Variants in RAB3GAP1 observed in about 807,000 individuals in gnomAD.
RAB3GAP1 encodes RAB3 GTPase activating protein catalytic subunit 1, also known as rab3 GTPase-activating protein catalytic subunit.
A neutral mutation model predicts 130.7 loss-of-function variants in RAB3GAP1; 86 were observed. The ratio of observed to expected loss-of-function variants is 0.66; its 90% CI spans 0.55 to 0.79. The LOEUF is 0.79. RAB3GAP1 is among the 30% of genes least tolerant of loss of function. The pLI is 0.00. For missense variants in RAB3GAP1, 1,029 were observed against 1,169.4 expected (o/e 0.88, Z 1.75); for synonymous variants, 367 against 401.7 (o/e 0.91, Z 1.03).
At chr2:135,138,676 A>G (rs1267626479) in intron 17 of RAB3GAP1, among the ~76,000 whole-genome samples, 1 of 150,596 alleles carries the variant, frequency 6.6e-6, no homozygotes, top group Non-Finnish European at 1.5e-5. Flanking sequence ...TGGCATGATC[A>G]TGGCTCACTG....
chr2:135,131,425 T>G (rs1691537354), intron 13 of RAB3GAP1, among the ~76,000 whole-genome samples: 1 of 151,918 alleles, frequency 6.6e-6, no homozygotes, highest in South Asian at 2.1e-4. Flanking sequence ...AGAGATAGGG[T>G]TTCACCGTGT....
At chr2:135,058,726 T>C (rs944161522) in intron 3 of RAB3GAP1, 3 of 152,270 alleles carry the variant, frequency 2.0e-5, no homozygotes, top group Admixed American at 6.5e-5. Context: ...TACTGAAGAA[T>C]GTACTCTGAG....
At chr2:135,116,997 G>A (rs1360427412) in intron 7 of RAB3GAP1, among the ~76,000 whole-genome samples, 1 of 152,008 alleles carries the variant, frequency 6.6e-6, no homozygotes, top group Non-Finnish European at 1.5e-5. Flanking sequence ...GACCTAAATA[G>A]TGTACTGGTA....
At position 135,056,826 on chromosome 2, in the gene RAB3GAP1, A is replaced by G. The variant is rs537855917; in HGVS notation, c.75-1185A>G. Among the ~76,000 whole-genome samples, 4 of 152,332 alleles carry G rather than the reference A, an allele frequency of 2.6e-5. No individual in the cohort carries two copies. In the South Asian group the frequency reaches 6.2e-4, roughly 24 times the overall value. On this transcript the variant is annotated intron_variant, in intron 2 of 23. Coordinates refer to ENST00000264158, the MANE Select transcript of RAB3GAP1 (RefSeq NM_012233.3). ...AAGAGGAATTAGTAAGAAGCCTCAG[A>G]TGAATCATAGATTTATTATTACTAT...
At chr2:135,104,107 T>A (rs1690526537) in intron 5 of RAB3GAP1, among the ~76,000 whole-genome samples, 1 of 152,186 alleles carries the variant, frequency 6.6e-6, no homozygotes, top group South Asian at 2.1e-4. Flanking sequence ...TTGGTTTACC[T>A]GCAAACTATA....
chr2:135,071,497 A>G (rs140428972), intron 3 of RAB3GAP1, among the ~76,000 whole-genome samples: 13 of 151,986 alleles, frequency 8.6e-5, no homozygotes, highest in Non-Finnish European at 1.3e-4. Context: ...CTGGTGTTGC[A>G]GGTAGTAAAA....
At chr2:135,116,880 A>G (rs1690986336) in intron 7 of RAB3GAP1, among the ~76,000 whole-genome samples, 1 of 152,198 alleles carries the variant, frequency 6.6e-6, no homozygotes, top group South Asian at 2.1e-4. Context: ...CAAAAGAAAA[A>G]GAATTATAAG....
At chr2:135,157,270 C>T (rs1390478128) in intron 19 of RAB3GAP1, among the ~76,000 whole-genome samples, 2 of 152,152 alleles carry the variant, frequency 1.3e-5, no homozygotes, top group Admixed American at 1.3e-4. Flanking sequence ...TCTCCTGCCT[C>T]ATCTTCCGAA....
intron 2 of RAB3GAP1, among the ~76,000 whole-genome samples, 164 bp downstream of exon 2, chr2:135,052,649 C>T (rs1334072325): frequency 2.6e-5 from 4 of 152,188 alleles, no homozygotes; most frequent in Non-Finnish European, 5.9e-5. Context: ...CCGCAAGCCT[C>T]TTCCGCGTCT....
intron 3 of RAB3GAP1, among the ~76,000 whole-genome samples, chr2:135,083,921 A>G (rs568596075): frequency 6.6e-6 from 1 of 151,924 alleles, no homozygotes; most frequent in South Asian, 2.1e-4. Flanking sequence ...TTTTAGAGAA[A>G]TGTCTTTTCA....
intron 2 of RAB3GAP1, among the ~76,000 whole-genome samples, chr2:135,054,693 A>G (rs1227027151): frequency 2.6e-5 from 4 of 152,220 alleles, no homozygotes; most frequent in Admixed American, 1.3e-4. Context: ...TCAGTTTTGA[A>G]TGGAAAAATG....
chr2:135,065,291 C>T (rs537832810), intron 3 of RAB3GAP1, among the ~76,000 whole-genome samples: 28 of 152,254 alleles, frequency 1.8e-4, no homozygotes, highest in Non-Finnish European at 3.2e-4. Flanking sequence ...ATCTGAGGAC[C>T]GTTGTCTGTC....
intron 17 of RAB3GAP1, among the ~76,000 whole-genome samples, chr2:135,149,478 G>A (rs538077002): frequency 6.6e-6 from 1 of 152,284 alleles, no homozygotes; most frequent in South Asian, 2.1e-4. Flanking sequence ...ATAGCATATA[G>A]TTTCTGGAGC....
At chr2:135,127,593 C>T (rs1325939311) in intron 11 of RAB3GAP1, among the ~76,000 whole-genome samples, 3 of 152,110 alleles carry the variant, frequency 2.0e-5, no homozygotes, top group Non-Finnish European at 2.9e-5. Flanking sequence ...CCGCCCGCCT[C>T]GGCCTCCCAA....
intron 5 of RAB3GAP1, among the ~76,000 whole-genome samples, chr2:135,102,626 AGCTTTAGTCAT>A (rs1321093387): frequency 6.6e-6 from 1 of 152,158 alleles, no homozygotes; most frequent in Non-Finnish European, 1.5e-5. Context: ...TTGGGTCTTT[AGCTTTAGTCAT>A]GCTTTATTGG....
chr2:135,168,183 T>G (rs1692716941), intron 23 of RAB3GAP1, among the ~76,000 whole-genome samples: 1 of 152,206 alleles, frequency 6.6e-6, no homozygotes, highest in Admixed American at 6.5e-5. Context: ...AAACAGCTCC[T>G]TACTGGACTG....
chr2:135,165,091 A>C, intron 23 of RAB3GAP1: 1 of 452,376 alleles, frequency 2.2e-6, no homozygotes, highest in Non-Finnish European at 4.4e-6. Context: ...TGGAGTCACA[A>C]CTCAGCTTGA....
chr2:135,150,975 A>T (rs1692157862), intron 18 of RAB3GAP1, among the ~76,000 whole-genome samples: 1 of 152,196 alleles, frequency 6.6e-6, no homozygotes, highest in Admixed American at 6.5e-5. Flanking sequence ...GAGTTCTCTT[A>T]TGGAGGCAGG....
intron 17 of RAB3GAP1, 76 bp from the exon 18 acceptor site, chr2:135,150,293 G>T: frequency 1.3e-6 from 2 of 1,560,328 alleles, no homozygotes; most frequent in Non-Finnish European, 1.8e-6. Context: ...AATGACTGTT[G>T]TCTTTATTCT....
Sources: gnomAD v4.1 joint callset for allele counts (sites outside exome capture counted in the v4.1 genomes callset) on GRCh38, gnomAD v4.1.1 for gene constraint, MANE v1.5 for transcripts, NCBI Gene and HGNC (gene_info 2026-07-23, HGNC 2026-07-21) for gene names.